Variants in CD4 observed in about 807,000 individuals in gnomAD.
The protein encoded by CD4 is CD4 molecule.
Under a neutral mutation model 50.5 loss-of-function variants are expected in CD4, and 25 were observed. The observed-to-expected ratio is 0.49, with a 90% CI of 0.36 to 0.69. The LOEUF is 0.69. Ranked by LOEUF, CD4 falls within the 30% of genes least tolerant of loss-of-function variation. The pLI is 0.00. For synonymous variants in CD4, 207 were observed against 221.9 expected (o/e 0.93, Z 0.60); for missense variants, 456 against 548.5 (o/e 0.83, Z 1.68).
At chr12:6,790,613 G>A (rs1942127828) in intron 1 of CD4, among the ~76,000 whole-genome samples, 1 of 152,208 alleles carries the variant, frequency 6.6e-6, no homozygotes, top group Non-Finnish European at 1.5e-5. Flanking sequence ...CTGGCAGGGT[G>A]TGAGGGAGAG....
intron 6 of CD4, 61 bp from the exon 7 acceptor site, chr12:6,817,069 A>G: frequency 1.4e-6 from 2 of 1,416,918 alleles, no homozygotes; most frequent in African/African-American, 1.4e-5. Context: ...CATATAGAGT[A>G]TCATTTTAAT....
intron 1 of CD4, among the ~76,000 whole-genome samples, chr12:6,794,774 T>TG (rs201208647): frequency 3.6e-5 from 5 of 138,338 alleles, no homozygotes; most frequent in East Asian, 2.2e-4. Flanking sequence ...TCTGTATGTC[T>TG]GTTTTTTTTT....
At position 6,818,086 on chromosome 12, in the gene CD4, ACACGCGCACACG is replaced by A. The variant is rs1231877379; in HGVS notation, c.1157-333_1157-322del. ...CGCACACACATTCACACATGGACTC[ACACGCGCACACG>A]CGCGCACACACACACATTCACACCA... is the stretch of plus-strand genomic sequence containing the variant. On this transcript the variant is annotated intron_variant, in intron 7 of 9. Transcript: ENST00000011653. This position sits in a 1 kb window ranked among gnomAD's most constrained non-coding sequence, Gnocchi z 5.0. Among the ~76,000 whole-genome samples, 10 of 107,930 alleles carry A rather than the reference ACACGCGCACACG, an allele frequency of 9.3e-5. No individual in the cohort carries two copies. The highest frequency in any genetic ancestry group is 9.7e-4 in the East Asian group (2 of 2,052). The allele number at this position is 107,930 out of a possible 152,430, so 70.8% of individuals were successfully genotyped here. A position where few individuals can be genotyped will look rare whatever the true frequency, so the allele number is the denominator to read the frequency against.
chr12:6,790,887 G>A (rs1942136413), intron 1 of CD4, among the ~76,000 whole-genome samples: 1 of 152,214 alleles, frequency 6.6e-6, no homozygotes, highest in African/African-American at 2.4e-5. Flanking sequence ...TCTTGTGGTG[G>A]ACATTTTTAT....
Position 6,798,208 on chromosome 12 carries a change from C to A in CD4, c.-67-1864C>A, listed in dbSNP as rs10849518. Among the ~76,000 whole-genome samples the A allele has an allele frequency of 2.2e-3, 292 of 129,844 alleles. 23 individuals are homozygous for A. Among genetic ancestry groups the A allele is most frequent in the East Asian group, 0.017 (88 of 5,086 alleles). The allele number at this position is 129,844 out of a possible 152,430, so 85.2% of individuals were successfully genotyped here. A position where few individuals can be genotyped will look rare whatever the true frequency, so the allele number is the denominator to read the frequency against. On this transcript the variant is annotated intron_variant, in intron 1 of 9. Transcript: ENST00000011653. Reference sequence around the variant, plus strand: ...TTTTTGAGACAGAGTCTTGCTCTGTCGCCCAGGCTGGAGTGCAGTGGCGCG... The same window carrying A: ...TTTTTGAGACAGAGTCTTGCTCTGTAGCCCAGGCTGGAGTGCAGTGGCGCG...
intron 3 of CD4, among the ~76,000 whole-genome samples, chr12:6,801,726 A>G (rs782598121): frequency 6.7e-6 from 1 of 149,242 alleles, no homozygotes; most frequent in Non-Finnish European, 1.5e-5. Context: ...ATGCCTGGCT[A>G]ATTTTTTGTA....
intron 1 of CD4, among the ~76,000 whole-genome samples, chr12:6,799,868 T>A (rs1300555676): frequency 6.6e-6 from 1 of 152,166 alleles, no homozygotes; most frequent in African/African-American, 2.4e-5. Context: ...CTTATTTATC[T>A]TCTGTTTTTG....
At chr12:6,793,947 C>T (rs757157959) in intron 1 of CD4, among the ~76,000 whole-genome samples, 6 of 104,970 alleles carry the variant, frequency 5.7e-5, no homozygotes, top group Non-Finnish European at 1.0e-4. Context: ...CCACCACACA[C>T]GACACCCGGC....
At chr12:6,806,242 T>C (rs115049742) in intron 3 of CD4, among the ~76,000 whole-genome samples, 1,792 of 151,862 alleles carry the variant, frequency 0.012, 33 homozygotes, top group African/African-American at 0.04. Flanking sequence ...TATACATCTA[T>C]TTATTGTGAA....
intron 1 of CD4, 60 bp from the exon 2 acceptor site, chr12:6,800,012 G>T (rs1228913701): frequency 6.2e-6 from 5 of 809,200 alleles, no homozygotes; most frequent in Non-Finnish European, 4.2e-6. Context: ...GTTGTGTATC[G>T]CCCCTGTATA....
At chr12:6,797,967 C>T (rs191368531) in intron 1 of CD4, among the ~76,000 whole-genome samples, 195 of 152,168 alleles carry the variant, frequency 1.3e-3, no homozygotes, top group African/African-American at 4.5e-3. Context: ...AGACCCTTTA[C>T]GGGTGTCGGG....
At chr12:6,807,079 A>T (rs977375449) in intron 3 of CD4, among the ~76,000 whole-genome samples, 3 of 152,136 alleles carry the variant, frequency 2.0e-5, no homozygotes, top group Admixed American at 1.3e-4. Flanking sequence ...AGGCAGGAGA[A>T]TGGTGTGAAC....
At chr12:6,793,970 A>C (rs201761866) in intron 1 of CD4, among the ~76,000 whole-genome samples, 4 of 133,850 alleles carry the variant, frequency 3.0e-5, no homozygotes, top group African/African-American at 1.3e-4. Flanking sequence ...CTATCTATCT[A>C]TATCTATCTA....
At chr12:6,809,966 T>C (rs1942889375) in intron 3 of CD4, among the ~76,000 whole-genome samples, 1 of 148,086 alleles carries the variant, frequency 6.8e-6, no homozygotes, top group East Asian at 2.1e-4. Context: ...CTCGGCTCAC[T>C]GCAACCTTTG....
In CD4 at chr12:6,820,296, G is replaced by A. The variant is rs1943234561; in HGVS notation, c.*967G>A. 1 of 152,232 alleles carries A rather than the reference G, an allele frequency of 6.6e-6. No individual in the cohort carries two copies. The highest frequency in any genetic ancestry group is 2.1e-4 in the South Asian group (1 of 4,832). The allele number at this position is 152,232 out of a possible 1,614,324, so 9.4% of individuals were successfully genotyped here. A position where few individuals can be genotyped will look rare whatever the true frequency, so the allele number is the denominator to read the frequency against. On this transcript the variant is annotated 3_prime_UTR_variant, in exon 10 of 10. Coordinates refer to ENST00000011653, the MANE Select transcript of CD4 (RefSeq NM_000616.5). ...AAAATCCCTCCTTCATCCCCCGCTG[G>A]TGGCAGAATCTGTTACCAGAGGACA...
At chr12:6,808,416 A>C (rs1366594058) in intron 3 of CD4, among the ~76,000 whole-genome samples, 1 of 127,064 alleles carries the variant, frequency 7.9e-6, no homozygotes, top group African/African-American at 2.8e-5. Flanking sequence ...ACACTACTGC[A>C]CTCCAGCCTG....
At chr12:6,801,117 GCTGGT>G (rs1244553724) in intron 3 of CD4, among the ~76,000 whole-genome samples, 2 of 151,340 alleles carry the variant, frequency 1.3e-5, no homozygotes, top group Non-Finnish European at 2.9e-5. Flanking sequence ...TGTTGGCCAG[GCTGGT>G]CTCGAACTCA....
intron 3 of CD4, among the ~76,000 whole-genome samples, chr12:6,806,072 G>C (rs28920472): frequency 0.1 from 15,448 of 151,078 alleles, 1,420 homozygotes; most frequent in African/African-American, 0.24. Flanking sequence ...GCTGAGGCAG[G>C]CTGATCACTT....
chr12:6,796,527 T>C (rs757983084), intron 1 of CD4, among the ~76,000 whole-genome samples: 1 of 152,176 alleles, frequency 6.6e-6, no homozygotes, highest in Admixed American at 6.5e-5. Flanking sequence ...CCAGCCTTCC[T>C]TTGAGGTGCT....
Sources: allele counts gnomAD v4.1 joint callset (sites outside exome capture counted in the v4.1 genomes callset), GRCh38; gene constraint gnomAD v4.1.1; non-coding constraint Gnocchi (gnomAD v3.1); transcripts MANE v1.5; gene names NCBI Gene and HGNC (gene_info 2026-07-23, HGNC 2026-07-21).